Variants in ANKRD29 observed in about 807,000 individuals in gnomAD.
ANKRD29 encodes the protein ankyrin repeat domain 29.
ANKRD29 carries 32 observed loss-of-function variants against 38.0 expected under a neutral mutation model. That is an observed-to-expected ratio of 0.84 (90% confidence interval 0.64 to 1.13). The LOEUF is 1.13. Among genes scored for constraint, ANKRD29 ranks in the 50% most tolerant of loss-of-function variants. The pLI is 0.00. For synonymous variants in ANKRD29, 135 were observed against 152.4 expected, an observed-to-expected ratio of 0.89 and a Z score of 0.84; for missense variants, 357 against 377.9, an observed-to-expected ratio of 0.94 and a Z score of 0.46.
chr18:23,615,655 A>C (rs1599073747), intron 8 of ANKRD29, among the ~76,000 whole-genome samples: 1 of 150,040 alleles, frequency 6.7e-6, no homozygotes, highest in Non-Finnish European at 1.5e-5. Flanking sequence ...CAAGCGATCC[A>C]CCTGCCTCAG....
chr18:23,655,849 T>G (rs2060273227), intron 1 of ANKRD29, among the ~76,000 whole-genome samples: 1 of 149,874 alleles, frequency 6.7e-6, no homozygotes, highest in Non-Finnish European at 1.5e-5. Flanking sequence ...ATCCCAGCAC[T>G]TTGGGAGGCC....
chr18:23,611,233 C>G (rs2059637965), intron 9 of ANKRD29, among the ~76,000 whole-genome samples: 1 of 152,164 alleles, frequency 6.6e-6, no homozygotes, highest in South Asian at 2.1e-4. Context: ...ATAGCACAAG[C>G]AATTTTCAAG....
intron 4 of ANKRD29, among the ~76,000 whole-genome samples, chr18:23,637,267 T>TA (rs922626395): frequency 3.9e-4 from 60 of 152,330 alleles, no homozygotes; most frequent in African/African-American, 1.3e-3. Flanking sequence ...ACTAATAATG[T>TA]AAAAAAATAT....
At chr18:23,649,338 T>TGTAA (rs1385761047) in intron 1 of ANKRD29, 145 bp from the exon 2 acceptor site, 2 of 729,150 alleles carry the variant, frequency 2.7e-6, no homozygotes, top group Non-Finnish European at 4.9e-6. Context: ...AATAGACAAC[T>TGTAA]GTAATAACAG....
At chr18:23,622,507 T>A (rs372887887) in intron 6 of ANKRD29, among the ~76,000 whole-genome samples, 6 of 152,224 alleles carry the variant, frequency 3.9e-5, no homozygotes, top group Non-Finnish European at 8.8e-5. Context: ...TATTAACAAT[T>A]GAAACTAATA....
intron 1 of ANKRD29, among the ~76,000 whole-genome samples, chr18:23,653,930 G>A (rs1183200121): frequency 6.6e-6 from 1 of 151,946 alleles, no homozygotes; most frequent in Non-Finnish European, 1.5e-5. Context: ...TCAAGGTCAC[G>A]CAGTAAGGAT....
intron 1 of ANKRD29, 97 bp downstream of exon 1, chr18:23,662,613 G>GGGCAGCGCCCCCCC (rs2060379696): frequency 2.5e-6 from 1 of 401,510 alleles, no homozygotes; most frequent in African/African-American, 2.2e-5. Context: ...AGCGGGCAGC[G>GGGCAGCGCCCCCCC]CCCACCCCAT....
chr18:23,620,616 T>C (rs2059785143), intron 6 of ANKRD29, among the ~76,000 whole-genome samples: 1 of 151,986 alleles, frequency 6.6e-6, no homozygotes, highest in Admixed American at 6.6e-5. Context: ...GGGGGAGAGG[T>C]AACCTAGGTT....
intron 5 of ANKRD29, among the ~76,000 whole-genome samples, chr18:23,630,967 CAAA>C (rs35627642): frequency 4.5e-5 from 4 of 89,794 alleles, no homozygotes; most frequent in Admixed American, 1.3e-4. Context: ...GACCCTGTCT[CAAA>C]AAAAAAAAAA....
chr18:23,612,758 G>A (rs2059659998), intron 8 of ANKRD29, among the ~76,000 whole-genome samples: 1 of 152,132 alleles, frequency 6.6e-6, no homozygotes, highest in Non-Finnish European at 1.5e-5. Context: ...TTTGAGCACA[G>A]AAGGGCCTCA....
chr18:23,615,883 T>G (rs1221945380), intron 8 of ANKRD29, among the ~76,000 whole-genome samples: 1 of 148,044 alleles, frequency 6.8e-6, no homozygotes, highest in African/African-American at 2.5e-5. Flanking sequence ...ATAGTATATA[T>G]AGTATATATT....
At chr18:23,660,997 CTTTG>C (rs1211537209) in intron 1 of ANKRD29, among the ~76,000 whole-genome samples, 2 of 152,200 alleles carry the variant, frequency 1.3e-5, no homozygotes, top group Admixed American at 6.5e-5. Flanking sequence ...CTTTTCAATT[CTTTG>C]TTTATTTGAT....
At chr18:23,658,956 T>C (rs1013837652) in intron 1 of ANKRD29, among the ~76,000 whole-genome samples, 6 of 152,096 alleles carry the variant, frequency 3.9e-5, no homozygotes, top group Admixed American at 3.9e-4. Flanking sequence ...AGCCTCCCTA[T>C]CTATGGTATT....
chr18:23,603,673 C>A (rs887235089), intron 9 of ANKRD29, among the ~76,000 whole-genome samples: 1 of 152,018 alleles, frequency 6.6e-6, no homozygotes, highest in Non-Finnish European at 1.5e-5. Flanking sequence ...ATCAGAAAAG[C>A]CTTTAAGTTT....
chr18:23,657,209 C>A (rs777413955), intron 1 of ANKRD29, among the ~76,000 whole-genome samples: 11 of 152,236 alleles, frequency 7.2e-5, no homozygotes, highest in Non-Finnish European at 1.0e-4. Context: ...CTCCTTTCTA[C>A]CTACCCCAAA....
At chr18:23,633,626 A>G (rs1316552102) in intron 5 of ANKRD29, among the ~76,000 whole-genome samples, 1 of 152,186 alleles carries the variant, frequency 6.6e-6, no homozygotes, top group Admixed American at 6.5e-5. Context: ...GCTGGAGTGC[A>G]ATGGTGTGAT....
chr18:23,601,029 G>C lies in ANKRD29; in HGVS notation c.*197C>G. ...GACACCATGAGAAGTCCATGGTGAAGGGGCAAGAGGGTCCCTGAGCTGTTT... is the reference window on the plus strand; with the variant it reads ...GACACCATGAGAAGTCCATGGTGAACGGGCAAGAGGGTCCCTGAGCTGTTT... On this transcript the variant is annotated 3_prime_UTR_variant, in exon 10 of 10. Coordinates refer to ENST00000592179, the MANE Select transcript of ANKRD29 (RefSeq NM_173505.4). 2.0e-6 allele frequency: 1 copy of C among 498,526 alleles called. No individual in the cohort carries two copies. Among genetic ancestry groups the C allele is most frequent in the Non-Finnish European group, 3.6e-6 (1 of 278,902 alleles). 30.9% of individuals were successfully genotyped at this position (498,526 alleles called of 1,614,324 possible). A position where few individuals can be genotyped will look rare whatever the true frequency, so the allele number is the denominator to read the frequency against.
At chr18:23,656,041 C>T (rs1254742550) in intron 1 of ANKRD29, among the ~76,000 whole-genome samples, 5 of 145,452 alleles carry the variant, frequency 3.4e-5, no homozygotes, top group Non-Finnish European at 4.5e-5. Flanking sequence ...TGCAGTGAGC[C>T]GAGATCCCGC....
At chr18:23,626,123 C>A (rs775478243) in intron 6 of ANKRD29, among the ~76,000 whole-genome samples, 1 of 152,230 alleles carries the variant, frequency 6.6e-6, no homozygotes, top group Non-Finnish European at 1.5e-5. Flanking sequence ...CTACGCTAAT[C>A]TTTTGGCTCC....
Sources: allele counts gnomAD v4.1 joint callset (sites outside exome capture counted in the v4.1 genomes callset), GRCh38; gene constraint gnomAD v4.1.1; transcripts MANE v1.5; gene names NCBI Gene and HGNC (gene_info 2026-07-23, HGNC 2026-07-21).